CPSF1: variants seen among roughly 807,000 people sequenced by gnomAD.
CPSF1 encodes cleavage and polyadenylation specific factor 1, also known as cleavage and polyadenylation specificity factor subunit 1.
CPSF1 carries 106 observed loss-of-function variants against 175.8 expected under a neutral mutation model. The observed-to-expected ratio is 0.60, with a 90% CI of 0.52 to 0.71. CPSF1 has a LOEUF of 0.71. CPSF1 is among the 30% of genes least tolerant of loss of function. The probability of loss-of-function intolerance (pLI) is 0.00; values close to 1 mark genes in which losing one functional copy is unlikely to be tolerated. For missense variants in CPSF1, 1,734 were observed against 2,022.9 expected (o/e 0.86, Z 2.74); for synonymous variants, 1,024 against 858.3 (o/e 1.19, Z -3.37).
At position 144,400,430 on chromosome 8, in the gene CPSF1, C is replaced by G; in HGVS notation, c.750G>C (p.Lys250Asn). 6.2e-7 allele frequency: 1 copy of G among 1,613,666 alleles called. No individual in the cohort carries two copies. Reference sequence around the variant, plus strand: ...TGAGGGACCAGATGACGGGGTGCACCTTCTGCGTGATGTTCAGTGAGATGG... The same window carrying G: ...TGAGGGACCAGATGACGGGGTGCACGTTCTGCGTGATGTTCAGTGAGATGG... The part of the protein sequence containing the change: ...IVAISLNITQ[K>N]VHPVIWSLTS... Residue 250 changes from lysine (K) to asparagine (N), a missense_variant, in exon 8 of 38, where the codon AAG becomes AAC. By Grantham distance (94) the Lys-to-Asn change is moderately conservative. Around this residue, in one of 10 missense-constraint regions of CPSF1, gnomAD observed 61 missense variants for 104.0 expected, o/e 0.59. Transcript: ENST00000616140.
chr8:144,398,156 T>C, intron 19 of CPSF1, 24 bp from the exon 20 acceptor site: 1 of 1,138,472 alleles, frequency 8.8e-7, no homozygotes, highest in Non-Finnish European at 1.1e-6. Context: ...GCAGTCAGCA[T>C]GCGCCTCCCC....
chr8:144,403,681 T>C (rs909370222), intron 2 of CPSF1, among the ~76,000 whole-genome samples: 3 of 151,030 alleles, frequency 2.0e-5, no homozygotes. Context: ...GCCTCCCAAG[T>C]AGCTGGGATT....
intron 37 of CPSF1, 31 bp downstream of exon 37, chr8:144,393,421 G>A (rs782395779): frequency 2.8e-5 from 42 of 1,522,696 alleles, no homozygotes; most frequent in Non-Finnish European, 3.5e-5. Flanking sequence ...ACGGAGGGGC[G>A]GGGCGCGCGG....
Position 144,397,184 on chromosome 8 carries a change from GAGGCC to G in CPSF1, c.2592+18_2592+22del, listed in dbSNP as rs782726589. On this transcript the variant is annotated intron_variant, in intron 23 of 37. Coordinates refer to ENST00000616140, the MANE Select transcript of CPSF1 (RefSeq NM_013291.3). Reference sequence around the variant, plus strand: ...AGGGCCAGGGGGAAGATGGGAAGGGGAGGCCAGGCCAGGCGCACTCACCAGCAGGT... The same window carrying G: ...AGGGCCAGGGGGAAGATGGGAAGGGGAGGCCAGGCGCACTCACCAGCAGGT... 3 of 1,519,230 alleles carry G rather than the reference GAGGCC, an allele frequency of 2.0e-6. No individual in the cohort carries two copies. The highest frequency in any genetic ancestry group is 1.8e-6 in the Non-Finnish European group (2 of 1,130,846). 94.1% of individuals were successfully genotyped at this position (1,519,230 alleles called of 1,614,324 possible).
rs371462404 is a variant in CPSF1, at chr8:144,396,959, C to G, written c.2593-30G>C. On this transcript the variant is annotated intron_variant, in intron 23 of 37. Coordinates refer to ENST00000616140, the MANE Select transcript of CPSF1 (RefSeq NM_013291.3). ...CAGGATGAGGGGAGCCATGGGGGAA[C>G]GGGCAGGGCCATGGAGAACATGGGA... The G allele has an allele frequency of 2.2e-5, 34 of 1,530,202 alleles. No individual in the cohort carries two copies. In the African/African-American group the frequency reaches 3.4e-4, roughly 15 times the overall value. 94.8% of individuals were successfully genotyped at this position (1,530,202 alleles called of 1,614,324 possible).
chr8:144,396,108 G>C (rs1379666146), intron 26 of CPSF1: 1 of 560,336 alleles, frequency 1.8e-6, no homozygotes, highest in Non-Finnish European at 3.2e-6. Context: ...TGCCCGGCGA[G>C]CCGGCAGAGC....
At position 144,395,502 on chromosome 8, in the gene CPSF1, G is replaced by A; in HGVS notation, c.3029C>T (p.Pro1010Leu). 1 of 1,612,774 alleles carries A rather than the reference G, an allele frequency of 6.2e-7. No homozygotes were observed. The highest frequency in any genetic ancestry group is 8.5e-7 in the Non-Finnish European group (1 of 1,179,812). ...VLPAYLSYDAPWPVRKIPLRC... is the reference protein window; with the variant it reads ...VLPAYLSYDALWPVRKIPLRC... ...CAGCGGGATCTTCCTGACAGGCCAT[G>A]GGGCATCATAGGACAGGTAGGCAGG... The change falls in exon 27 of 38, where the codon CCA becomes CTA. Residue 1010 changes from proline to leucine, a missense_variant. Pro to Leu is a moderately conservative substitution (Grantham distance 98, BLOSUM62 -3). This residue lies in a region of CPSF1 where 585 missense variants were observed against 584.7 expected (regional missense o/e 1.00). Transcript: ENST00000616140.
At chr8:144,393,396 T>C in intron 37 of CPSF1, 31 bp from the exon 38 acceptor site, 2 of 468,758 alleles carry the variant, frequency 4.3e-6, no homozygotes, top group Non-Finnish European at 6.6e-6. Context: ...GGTGGGTGGG[T>C]GGGTGGGGAT....
rs2116868582 is a variant in CPSF1, at chr8:144,399,968, T to A, written c.1031+24A>T. On this transcript the variant is annotated intron_variant, in intron 10 of 37. Transcript: ENST00000616140. This position sits in a 1 kb window ranked among gnomAD's most constrained non-coding sequence, Gnocchi z 6.4. ...CTTGTGGGGGGCGGTGTGGGCAGAGTTCATGGGCGGGGGAGGGGCTCACAT... is the reference window on the plus strand; with the variant it reads ...CTTGTGGGGGGCGGTGTGGGCAGAGATCATGGGCGGGGGAGGGGCTCACAT... The A allele has an allele frequency of 6.2e-7, 1 of 1,605,374 alleles. No individual in the cohort carries two copies. The highest frequency in any genetic ancestry group is 1.7e-5 in the Admixed American group (1 of 59,548).
At position 144,398,139 on chromosome 8, in the gene CPSF1, G is replaced by A. The variant is rs1820895812; in HGVS notation, c.1895-7C>T. The A allele has an allele frequency of 3.2e-6, 5 of 1,556,720 alleles. No homozygotes were observed. The highest frequency in any genetic ancestry group is 1.8e-5 in the Admixed American group (1 of 56,014). ...ATGAAGTGCAGCTGATTCACTGTAG[G>A]CATGGGGCAGTCAGCATGCGCCTCC... On this transcript the variant is annotated splice_polypyrimidine_tract_variant and splice_region_variant and intron_variant, in intron 19 of 37. Coordinates refer to ENST00000616140, the MANE Select transcript of CPSF1 (RefSeq NM_013291.3).
In CPSF1 at chr8:144,397,331, A is replaced by G. The variant is rs1039000245; in HGVS notation, c.2468T>C (p.Phe823Ser). The G allele has an allele frequency of 6.4e-7, 1 of 1,558,562 alleles. No individual in the cohort carries two copies. Among genetic ancestry groups the G allele is most frequent in the Non-Finnish European group, 8.7e-7 (1 of 1,151,764 alleles). The part of the protein sequence containing the change: ...VGQRVLVDSS[F>S]GQPTTQGEAR... Reference sequence around the variant, plus strand: ...CTCGCCCTGTGTAGTGGGCTGTCCAAAGGAGCTGTCCACAAGGACCCGCTG... The same window carrying G: ...CTCGCCCTGTGTAGTGGGCTGTCCAGAGGAGCTGTCCACAAGGACCCGCTG... Residue 823 changes from phenylalanine to serine, a missense_variant, in exon 23 of 38, where the codon TTT becomes TCT. Phe to Ser is a radical substitution (Grantham distance 155). Coordinates refer to ENST00000616140, the MANE Select transcript of CPSF1 (RefSeq NM_013291.3).
chr8:144,397,838 G>T lies in CPSF1; in HGVS notation c.2115C>A (p.Ser705Arg). The T allele has an allele frequency of 6.2e-7, 1 of 1,611,238 alleles. No individual in the cohort carries two copies. Among genetic ancestry groups the T allele is most frequent in the Non-Finnish European group, 8.5e-7 (1 of 1,179,374 alleles). ...VITLCLYRDLSGMFTTESRLG... is the reference protein window; with the variant it reads ...VITLCLYRDLRGMFTTESRLG... ...GGCGGCTCTCAGTGGTGAACATGCC[G>T]CTGAGGTCTCGGTACAGGCACAGCG... is the stretch of plus-strand genomic sequence containing the variant. Residue 705 changes from serine to arginine, a missense_variant, in exon 21 of 38, where the codon AGC becomes AGA. Ser to Arg is a moderately radical substitution (Grantham distance 110). Around this residue, in one of 10 missense-constraint regions of CPSF1, gnomAD observed 585 missense variants for 584.7 expected, o/e 1.00. Coordinates refer to ENST00000616140, the MANE Select transcript of CPSF1 (RefSeq NM_013291.3).
intron 9 of CPSF1, 31 bp downstream of exon 9, chr8:144,400,135 G>GGGGCCCCCCCCCCCCCCCCCCC: frequency 6.9e-5 from 62 of 895,898 alleles, no homozygotes; most frequent in Non-Finnish European, 9.0e-5. Context: ...CCGTCCCCGG[G>GGGGCCCCCCCCCCCCCCCCCCC]CCCCCCCCGC....
At chr8:144,402,902 G>C (rs1215518229) in intron 2 of CPSF1, among the ~76,000 whole-genome samples, 1 of 152,196 alleles carries the variant, frequency 6.6e-6, no homozygotes, top group African/African-American at 2.4e-5. Flanking sequence ...CCAGTGACAA[G>C]CAGGGGTATT....
intron 9 of CPSF1, 31 bp downstream of exon 9, chr8:144,400,135 G>GGGCCCCCCCCCCCCCCCCCCCCCCCCCC: frequency 4.6e-5 from 41 of 895,968 alleles, no homozygotes; most frequent in Non-Finnish European, 6.1e-5. Flanking sequence ...CCGTCCCCGG[G>GGGCCCCCCCCCCCCCCCCCCCCCCCCCC]CCCCCCCCGC....
At chr8:144,401,179 G>A (rs2116882199) in intron 5 of CPSF1, 32 bp downstream of exon 5, 89 of 1,547,570 alleles carry the variant, frequency 5.8e-5, no homozygotes, top group Non-Finnish European at 7.3e-5. Context: ...TGGCTGGGCG[G>A]GGCCTGGGCG....
Position 144,400,111 on chromosome 8 carries a change from T to C in CPSF1, c.938-26A>G, listed in dbSNP as rs2116870332. On this transcript the variant is annotated intron_variant, in intron 9 of 37. Coordinates refer to ENST00000616140, the MANE Select transcript of CPSF1 (RefSeq NM_013291.3). ...CTGTGGGGTGGGTGGTCAGGCCGAC[T>C]AGGCAGGCCCAAGCCGTCCCCGGGC... 6 of 1,554,088 alleles carry C rather than the reference T, an allele frequency of 3.9e-6. No homozygotes were observed. The East Asian group carries it at 9.2e-5, about 24-fold the overall frequency.
In CPSF1 at chr8:144,397,308, C is replaced by T; in HGVS notation, c.2491G>A (p.Glu831Lys). ...CGCGTGGCCTCCTCCCTGCGGGCCT[C>T]GCCCTGTGTAGTGGGCTGTCCAAAG... ...SSFGQPTTQG[E>K]ARREEATRQG... is the part of the protein sequence containing the mutation. Residue 831 changes from glutamate to lysine, a missense_variant, in exon 23 of 38, where the codon GAG becomes AAG. Glu to Lys is a moderately conservative substitution (Grantham distance 56). Around this residue, in one of 10 missense-constraint regions of CPSF1, gnomAD observed 585 missense variants for 584.7 expected, o/e 1.00. Transcript: ENST00000616140. The T allele has an allele frequency of 1.3e-6, 2 of 1,552,492 alleles. No homozygotes were observed. The highest frequency in any genetic ancestry group is 8.7e-7 in the Non-Finnish European group (1 of 1,148,472).
chr8:144,399,411 C>G lies in CPSF1; in HGVS notation c.1295-38G>C. On this transcript the variant is annotated intron_variant, in intron 13 of 37. Transcript: ENST00000616140. This position sits in a 1 kb window ranked among gnomAD's most constrained non-coding sequence, Gnocchi z 6.4. ...AGCCCACTTGAGCGCAGCCCTGGGT[C>G]ACCTGGCCCCGCTCCTGACCAGCCC... 1 of 1,612,796 alleles carries G rather than the reference C, an allele frequency of 6.2e-7. No homozygotes were observed. Among genetic ancestry groups the G allele is most frequent in the Non-Finnish European group, 8.5e-7 (1 of 1,179,896 alleles).
Sources: allele counts gnomAD v4.1 joint callset (sites outside exome capture counted in the v4.1 genomes callset), GRCh38; gene constraint gnomAD v4.1.1; regional missense constraint gnomAD v4.1.1; non-coding constraint Gnocchi (gnomAD v3.1); transcripts MANE v1.5; gene names NCBI Gene and HGNC (gene_info 2026-07-23, HGNC 2026-07-21).